Variants in ABCC8 observed in about 807,000 individuals in gnomAD.
The protein encoded by ABCC8 is ATP-binding cassette sub-family C member 8.
Under a neutral mutation model 188.0 loss-of-function variants are expected in ABCC8, and 137 were observed. The observed-to-expected ratio is 0.73, with a 90% CI of 0.63 to 0.84. ABCC8 has a LOEUF of 0.84. Ranked by LOEUF, ABCC8 falls within the 40% of genes least tolerant of loss-of-function variation. The pLI, the probability that ABCC8 is intolerant of heterozygous loss-of-function variation, is 0.00. For synonymous variants in ABCC8, 797 were observed against 846.5 expected, an observed-to-expected ratio of 0.94 and a Z score of 1.01; for missense variants, 1,750 against 2,072.7, an observed-to-expected ratio of 0.84 and a Z score of 3.02.
At chr11:17,449,102 A>T (rs905848062) in intron 7 of ABCC8, among the ~76,000 whole-genome samples, 5 of 151,972 alleles carry the variant, frequency 3.3e-5, no homozygotes, top group Middle Eastern at 3.2e-3. Context: ...TAATTTTTAT[A>T]TTTTTAGCAG....
intron 10 of ABCC8, among the ~76,000 whole-genome samples, chr11:17,442,381 A>G (rs907046637): frequency 1.2e-4 from 18 of 152,228 alleles, no homozygotes; most frequent in Non-Finnish European, 2.6e-4. Context: ...GGAGAGTTCA[A>G]AACTGTGGTC....
At chr11:17,435,378 C>T (rs962478507) in intron 10 of ABCC8, among the ~76,000 whole-genome samples, 1 of 152,098 alleles carries the variant, frequency 6.6e-6, no homozygotes, top group Non-Finnish European at 1.5e-5. Flanking sequence ...ACCCTCAGCA[C>T]AAATCAAAGG....
At chr11:17,466,925 C>T (rs1848187491) in intron 3 of ABCC8, among the ~76,000 whole-genome samples, 1 of 152,068 alleles carries the variant, frequency 6.6e-6, no homozygotes, top group East Asian at 1.9e-4. Flanking sequence ...CTTGGCCTGC[C>T]AAGGTGCTGG....
intron 10 of ABCC8, among the ~76,000 whole-genome samples, chr11:17,440,249 G>A (rs1033076531): frequency 3.3e-5 from 5 of 152,102 alleles, no homozygotes; most frequent in Non-Finnish European, 7.3e-5. Flanking sequence ...GAAGTCCCCC[G>A]GCTATCGGGA....
rs1334434934 is a variant in ABCC8 at position 17,435,641 on chromosome 11, G to A, written c.1631-3397C>T. 26 of 1,400,616 alleles carry A rather than the reference G, an allele frequency of 1.9e-5. No individual in the cohort carries two copies. The East Asian group carries it at 3.4e-4, about 18-fold the overall frequency. 86.8% of individuals were successfully genotyped at this position (1,400,616 alleles called of 1,614,324 possible). ...GAAAGATGGGTGAATGTAATAATGT[G>A]TAGGAAGATGATGCTGGGAACCTCT... On this transcript the variant is annotated intron_variant, in intron 10 of 38. Transcript: ENST00000389817.
chr11:17,417,153 G>T, intron 16 of ABCC8, 191 bp from the exon 17 acceptor site: 1 of 808,114 alleles, frequency 1.2e-6, no homozygotes, highest in Non-Finnish European at 1.5e-6. Context: ...GCACCTGGAT[G>T]GGTACCCTCC....
intron 36 of ABCC8, 130 bp from the exon 37 acceptor site, chr11:17,394,529 G>A: frequency 6.7e-7 from 1 of 1,499,520 alleles, no homozygotes; most frequent in South Asian, 1.2e-5. Flanking sequence ...GTGTCCAAGA[G>A]CACAGGCGTG....
chr11:17,396,380 G>A, intron 33 of ABCC8: 1 of 326,196 alleles, frequency 3.1e-6, no homozygotes, highest in East Asian at 7.7e-5. Flanking sequence ...ACAATACGGA[G>A]ACAGATAGTG....
Position 17,427,365 on chromosome 11 carries a change from G to T in ABCC8, c.2117-211C>A, listed in dbSNP as rs1259461296. 9.0e-6 allele frequency: 5 copies of T among 554,304 alleles called. No individual in the cohort carries two copies. Among genetic ancestry groups the T allele is most frequent in the Non-Finnish European group, 9.2e-6 (4 of 437,036 alleles). 34.3% of individuals were successfully genotyped at this position (554,304 alleles called of 1,614,324 possible). ...GCTCCCCAGGTCCTTCCCCCTCTCT[G>T]ATTTCCTGCCCCGCCACCCTTCCTA... is the stretch of plus-strand genomic sequence containing the variant. On this transcript the variant is annotated intron_variant, in intron 15 of 38. Transcript: ENST00000389817. This position sits in a 1 kb window ranked among gnomAD's most constrained non-coding sequence, Gnocchi z 5.0.
Position 17,428,673 on chromosome 11 carries a change from GC to G in ABCC8, c.1818-4del. On this transcript the variant is annotated splice_region_variant and splice_polypyrimidine_tract_variant and intron_variant, in intron 12 of 38. Coordinates refer to ENST00000389817, the MANE Select transcript of ABCC8 (RefSeq NM_000352.6). ...GGAACTCGCTTAGCTTTTGCACGCTGCTCGGGAAGCACAGAGACACCCCTCA... is the reference window on the plus strand; with the variant it reads ...GGAACTCGCTTAGCTTTTGCACGCTGTCGGGAAGCACAGAGACACCCCTCA... 1 of 1,612,150 alleles carries G rather than the reference GC, an allele frequency of 6.2e-7. No individual in the cohort carries two copies. The highest frequency in any genetic ancestry group is 1.3e-5 in the African/African-American group (1 of 75,060).
intron 11 of ABCC8, 108 bp downstream of exon 11, chr11:17,432,096 C>A (rs768111355): frequency 1.5e-5 from 21 of 1,406,546 alleles, no homozygotes; most frequent in Non-Finnish European, 1.9e-5. Context: ...GCTGTGGAGC[C>A]TGTCTTCTGA....
intron 10 of ABCC8, chr11:17,436,046 T>C (rs1956082751): frequency 9.2e-7 from 1 of 1,085,888 alleles, no homozygotes; most frequent in Non-Finnish European, 1.4e-6. Flanking sequence ...TTTGAACTTG[T>C]GTTCTTATTC....
intron 18 of ABCC8, 49 bp downstream of exon 18, chr11:17,415,255 A>T: frequency 6.3e-7 from 1 of 1,587,122 alleles, no homozygotes; most frequent in Non-Finnish European, 8.6e-7. Context: ...GCCTGAGAGC[A>T]CCCTGGAGGG....
chr11:17,446,808 C>CT (rs900245788), intron 8 of ABCC8, among the ~76,000 whole-genome samples: 1 of 152,114 alleles, frequency 6.6e-6, no homozygotes, highest in African/African-American at 2.4e-5. Context: ...AGCCTCTCCC[C>CT]TTTTTTTCTT....
intron 5 of ABCC8, 35 bp from the exon 6 acceptor site, chr11:17,460,711 T>C (rs1957158030): frequency 1.2e-6 from 2 of 1,601,694 alleles, no homozygotes; most frequent in African/African-American, 1.3e-5. Flanking sequence ...TCAGAGTGCC[T>C]GAGGGCTAAT....
intron 35 of ABCC8, 149 bp from the exon 36 acceptor site, chr11:17,395,424 A>G (rs1332543468): frequency 1.3e-6 from 2 of 1,494,416 alleles, no homozygotes; most frequent in Non-Finnish European, 1.8e-6. Flanking sequence ...GGGGGACAGC[A>G]TCTTAGACCC....
At chr11:17,411,993 C>T (rs556560909) in intron 21 of ABCC8, among the ~76,000 whole-genome samples, 2 of 150,994 alleles carry the variant, frequency 1.3e-5, no homozygotes, top group East Asian at 1.9e-4. Flanking sequence ...CCCGGGTTCA[C>T]GCCATTCTCC....
chr11:17,457,341 A>G (rs1957033103), intron 6 of ABCC8, among the ~76,000 whole-genome samples: 1 of 152,202 alleles, frequency 6.6e-6, no homozygotes, highest in Non-Finnish European at 1.5e-5. Flanking sequence ...ATATAGAACC[A>G]TAAGCAGTTC....
intron 10 of ABCC8, among the ~76,000 whole-genome samples, chr11:17,437,802 T>A (rs7120752): frequency 0.057 from 8,669 of 152,240 alleles, 875 homozygotes; most frequent in African/African-American, 0.2. Context: ...GGCAGGTAGA[T>A]ATTGAAGAAT....
Sources: gnomAD v4.1 joint callset for allele counts (sites outside exome capture counted in the v4.1 genomes callset) on GRCh38, gnomAD v4.1.1 for gene constraint, Gnocchi (gnomAD v3.1) non-coding constraint, MANE v1.5 for transcripts, NCBI Gene and HGNC (gene_info 2026-07-23, HGNC 2026-07-21) for gene names.